Variants in MMEL1 observed in about 807,000 individuals in gnomAD.
The protein encoded by MMEL1 is membrane metalloendopeptidase like 1, also known as membrane metallo-endopeptidase-like 1.
In MMEL1, 98 loss-of-function variants were observed where a neutral mutation model predicts 117.1. That is an observed-to-expected ratio of 0.84 (90% CI 0.71 to 0.99). MMEL1 has a LOEUF of 0.99. Ranked by LOEUF, MMEL1 falls within the 50% of genes least tolerant of loss-of-function variation. MMEL1 has a pLI of 0.00. For synonymous variants in MMEL1, 390 were observed against 415.1 expected (o/e 0.94, Z 0.74); for missense variants, 1,014 against 1,049.1 (o/e 0.97, Z 0.46).
At chr1:2,609,241 TA>T in intron 6 of MMEL1, 97 bp downstream of exon 6, 1 of 1,209,322 alleles carries the variant, frequency 8.3e-7, no homozygotes, top group South Asian at 1.3e-5. Flanking sequence ...ACTCCTACCC[TA>T]GGGGCAGCCA....
At chr1:2,628,015 A>G (rs1444289201) in intron 2 of MMEL1, among the ~76,000 whole-genome samples, 3 of 152,230 alleles carry the variant, frequency 2.0e-5, no homozygotes, top group Non-Finnish European at 4.4e-5. Context: ...ACGACCCAGA[A>G]GAAGAGAGGC....
In MMEL1 at chr1:2,593,799, G is replaced by A. The variant is rs1402292112; in HGVS notation, c.1867+15C>T. The A allele has an allele frequency of 1.9e-6, 3 of 1,589,050 alleles. No homozygotes were observed. The highest frequency in any genetic ancestry group is 1.7e-5 in the Admixed American group (1 of 58,054). On this transcript the variant is annotated intron_variant, in intron 19 of 23. Coordinates refer to ENST00000378412, the MANE Select transcript of MMEL1 (RefSeq NM_033467.4). ...AGAGGGGAGGGCGTGTGTGATTGGAGGGGCGGCCGCTCACCATTGTCGTCA... is the reference window on the plus strand; with the variant it reads ...AGAGGGGAGGGCGTGTGTGATTGGAAGGGCGGCCGCTCACCATTGTCGTCA...
rs751827091 is a variant in MMEL1, at chr1:2,596,564, G to A, written c.1398C>T (p.Ser466=). Residue 466 remains serine (S), a synonymous_variant, in exon 14 of 24, where the codon AGC becomes AGT. Coordinates refer to ENST00000378412, the MANE Select transcript of MMEL1 (RefSeq NM_033467.4). ...VREAFPGDSK[S]MVRELIDKVR... ...GCCATGGATGAGGGGCGCCCACCAT[G>A]CTCTTGCTGTCTCCAGGGAACGCCT... 9 of 1,609,834 alleles carry A rather than the reference G, an allele frequency of 5.6e-6. No individual in the cohort carries two copies. The highest frequency in any genetic ancestry group is 7.6e-6 in the Non-Finnish European group (9 of 1,179,736).
rs764992351 is a variant in MMEL1, at chr1:2,603,913, C to T, written c.1012G>A (p.Glu338Lys). ...AGGCCAAACTGGCTTTGCAGCTCCT[C>T]CAGTCCCATCCGGTGGTACAAGGCG... ...VIALYHRMGL[E>K]ELQSQFGLKG... The change falls in exon 11 of 24, where the codon GAG (glutamate) becomes AAG (lysine). Residue 338 changes from glutamate (E) to lysine (K), a missense_variant. Physicochemically the swap from Glu to Lys is moderately conservative, Grantham distance 56. Transcript: ENST00000378412. 5 of 1,613,906 alleles carry T rather than the reference C, an allele frequency of 3.1e-6. No homozygotes were observed.
At chr1:2,600,063 G>T (rs973337090) in intron 11 of MMEL1, among the ~76,000 whole-genome samples, 48 of 152,142 alleles carry the variant, frequency 3.2e-4, no homozygotes, top group African/African-American at 9.6e-4. Context: ...TGACCCCTGG[G>T]TTCAAGCAAT....
At chr1:2,616,841 A>C (rs1230838448) in intron 2 of MMEL1, among the ~76,000 whole-genome samples, 3 of 152,222 alleles carry the variant, frequency 2.0e-5, no homozygotes. Context: ...CTGCCTCTAC[A>C]GCTCCCACGG....
At chr1:2,604,122 T>G in intron 10 of MMEL1, 25 bp downstream of exon 10, 1,146 of 1,355,846 alleles carry the variant, frequency 8.5e-4, no homozygotes, top group Non-Finnish European at 1.1e-3. Context: ...CGCTGCCCGC[T>G]CCCCACCCGC....
chr1:2,611,384 G>A (rs747545269), intron 3 of MMEL1, 44 bp from the exon 4 acceptor site: 37 of 1,463,778 alleles, frequency 2.5e-5, no homozygotes, highest in Non-Finnish European at 3.2e-5. Context: ...CACGGAGAGG[G>A]TGGGGCAGGA....
chr1:2,597,230 G>A (rs1055869599), intron 13 of MMEL1, among the ~76,000 whole-genome samples: 2 of 152,058 alleles, frequency 1.3e-5, no homozygotes, highest in Non-Finnish European at 2.9e-5. Context: ...TGGGCTGCAG[G>A]ACTTCCTGCC....
chr1:2,605,728 C>G, intron 8 of MMEL1, 105 bp from the exon 9 acceptor site: 1 of 771,242 alleles, frequency 1.3e-6, no homozygotes, highest in South Asian at 1.6e-5. Flanking sequence ...CCCGTGCACA[C>G]GTGCTCTGCC....
At chr1:2,604,733 G>A (rs1025363957) in intron 9 of MMEL1, among the ~76,000 whole-genome samples, 1 of 152,140 alleles carries the variant, frequency 6.6e-6, no homozygotes, top group South Asian at 2.1e-4. Flanking sequence ...TCCTGAGGAA[G>A]TTTGCTCCTC....
At chr1:2,602,093 A>C (rs940379832) in intron 11 of MMEL1, among the ~76,000 whole-genome samples, 1 of 56,214 alleles carries the variant, frequency 1.8e-5, no homozygotes, top group African/African-American at 1.2e-4. Flanking sequence ...GAGACAGCAC[A>C]GTGGGACCCG....
At chr1:2,624,134 C>T (rs1022252130) in intron 2 of MMEL1, among the ~76,000 whole-genome samples, 1 of 152,184 alleles carries the variant, frequency 6.6e-6, no homozygotes, top group Non-Finnish European at 1.5e-5. Flanking sequence ...CCAGAGAGCC[C>T]CCACCTCCAG....
At chr1:2,609,038 C>CACAT (rs1301817858) in intron 6 of MMEL1, among the ~76,000 whole-genome samples, 1 of 15,976 alleles carries the variant, frequency 6.3e-5, no homozygotes, top group Non-Finnish European at 1.1e-4. Context: ...ATATAATACA[C>CACAT]ACACACACAC....
chr1:2,604,365 T>A, intron 9 of MMEL1, 84 bp from the exon 10 acceptor site: 1 of 1,565,724 alleles, frequency 6.4e-7, no homozygotes, highest in Non-Finnish European at 8.7e-7. Context: ...GGGGTGGGCG[T>A]AGGACATGGG....
intron 3 of MMEL1, among the ~76,000 whole-genome samples, chr1:2,611,722 C>T (rs539253059): frequency 3.2e-4 from 48 of 152,314 alleles, no homozygotes; most frequent in African/African-American, 9.6e-4. Context: ...TGTACCCCCA[C>T]AGCTGCCCCA....
intron 18 of MMEL1, 147 bp downstream of exon 18, chr1:2,594,238 A>G: frequency 1.0e-6 from 1 of 963,784 alleles, no homozygotes; most frequent in Non-Finnish European, 1.6e-6. Flanking sequence ...AGTGTTCCCC[A>G]CGGGGGCAGC....
At chr1:2,592,628 G>C (rs1305273959) in intron 21 of MMEL1, 27 bp downstream of exon 21, 1 of 878,346 alleles carries the variant, frequency 1.1e-6, no homozygotes, top group Non-Finnish European at 1.5e-6. Flanking sequence ...CTGCCGCGCT[G>C]ACGCCCCCTC....
intron 3 of MMEL1, 29 bp from the exon 4 acceptor site, chr1:2,611,369 G>A (rs1235516329): frequency 2.0e-6 from 3 of 1,483,366 alleles, no homozygotes; most frequent in South Asian, 2.7e-5. Flanking sequence ...CTGAGCACCG[G>A]GAGCCACGGA....
Sources: allele counts gnomAD v4.1 joint callset (sites outside exome capture counted in the v4.1 genomes callset), GRCh38; gene constraint gnomAD v4.1.1; transcripts MANE v1.5; gene names NCBI Gene and HGNC (gene_info 2026-07-23, HGNC 2026-07-21).